GPR17: variants seen among roughly 807,000 people sequenced by gnomAD.
The protein encoded by GPR17 is uracil nucleotide/cysteinyl leukotriene receptor.
Under a neutral mutation model 1.5 loss-of-function variants are expected in GPR17, and 4 were observed. The observed-to-expected ratio is 2.73, with a 90% CI of 1.35 to 6.25. The LOEUF is 6.25. GPR17 is among the 30% of genes most tolerant of loss of function. GPR17 has a pLI of 0.00. For missense variants in GPR17, 463 were observed against 462.1 expected, an observed-to-expected ratio of 1.00 and a Z score of -0.02; for synonymous variants, 209 against 207.6, an observed-to-expected ratio of 1.01 and a Z score of -0.06.
At position 127,651,287 on chromosome 2, in the gene GPR17, G is replaced by A. The variant is rs1380423336; in HGVS notation, c.552G>A (p.Leu184=). The A allele has an allele frequency of 6.8e-6, 11 of 1,607,716 alleles. No homozygotes were observed. Among genetic ancestry groups the A allele is most frequent in the Non-Finnish European group, 8.5e-6 (10 of 1,179,876 alleles). The change falls in exon 2 of 2, where the codon CTG becomes CTA. Residue 184 remains leucine, a synonymous_variant. Coordinates refer to ENST00000486700, the MANE Select transcript of GPR17 (RefSeq NM_001161417.2). Reference sequence around the variant, plus strand: ...ACCACACGGTGGTCTGCCTGCAGCTGTACCGGGAGAAGGCCTCCCACCATG... The same window carrying A: ...ACCACACGGTGGTCTGCCTGCAGCTATACCGGGAGAAGGCCTCCCACCATG... ...QTNHTVVCLQ[L]YREKASHHAL... is the part of the protein sequence containing the mutation.
At chr2:127,648,651 CAGCACTTTGGGAGGCCAAGG>C (rs908635282) in intron 1 of GPR17, among the ~76,000 whole-genome samples, 11 of 152,178 alleles carry the variant, frequency 7.2e-5, no homozygotes, top group Non-Finnish European at 1.0e-4. Flanking sequence ...CCTGTAATCC[CAGCACTTTGGGAGGCCAAGG>C]AGCACTTTGG....
intron 1 of GPR17, chr2:127,650,058 A>G: frequency 6.2e-7 from 1 of 1,607,436 alleles, no homozygotes. Context: ...CCCCCAAGAG[A>G]GATGCTGAAA....
Position 127,650,819 on chromosome 2 carries a change from A to G in GPR17, c.84A>G (p.Pro28=), listed in dbSNP as rs1331920792. 1.9e-6 allele frequency: 3 copies of G among 1,613,702 alleles called. No individual in the cohort carries two copies. The highest frequency in any genetic ancestry group is 1.3e-5 in the African/African-American group (1 of 74,926). The change falls in exon 2 of 2, where the codon CCA becomes CCG. Residue 28 remains proline, a synonymous_variant. Coordinates refer to ENST00000486700, the MANE Select transcript of GPR17 (RefSeq NM_001161417.2). ...ATAEQCGQET[P]LENMLFASFY... is the part of the protein sequence containing the mutation. ...CAGAGCAATGTGGCCAGGAGACGCC[A>G]CTGGAGAACATGCTGTTCGCCTCCT...
chr2:127,649,254 C>T (rs1055726884), intron 1 of GPR17, among the ~76,000 whole-genome samples: 29 of 149,288 alleles, frequency 1.9e-4, no homozygotes, highest in Non-Finnish European at 6.0e-5. Context: ...CAGGCAGGAC[C>T]CCGGCTGTTC....
intron 1 of GPR17, among the ~76,000 whole-genome samples, chr2:127,649,165 T>TAGGAAGGAAGGAGGGAAAGAAGGA: frequency 1.5e-5 from 2 of 134,344 alleles, no homozygotes; most frequent in South Asian, 5.0e-4. Flanking sequence ...GAGAGGAAGG[T>TAGGAAGGAAGGAGGGAAAGAAGGA]AGGAAGGAAG....
In GPR17 at chr2:127,651,311, T is replaced by C. The variant is rs149325837; in HGVS notation, c.576T>C (p.His192=). ...TGTACCGGGAGAAGGCCTCCCACCA[T>C]GCCCTGGTGTCCCTGGCAGTGGCCT... The part of the protein sequence containing the change: ...LQLYREKASH[H]ALVSLAVAFT... Residue 192 remains histidine, a synonymous_variant, in exon 2 of 2, where the codon CAT becomes CAC. Coordinates refer to ENST00000486700, the MANE Select transcript of GPR17 (RefSeq NM_001161417.2). 1.2e-6 allele frequency: 2 copies of C among 1,609,830 alleles called. No individual in the cohort carries two copies. Among genetic ancestry groups the C allele is most frequent in the Non-Finnish European group, 1.7e-6 (2 of 1,180,018 alleles).
chr2:127,650,659 A>G, intron 1 of GPR17, 57 bp from the exon 2 acceptor site: 2 of 1,218,274 alleles, frequency 1.6e-6, no homozygotes, highest in Non-Finnish European at 2.3e-6. Flanking sequence ...GACTTCAGAG[A>G]GCGTGAAGCT....
rs1299543143 is a variant in GPR17, at chr2:127,650,564, G to A, written c.-20-152G>A. The A allele has an allele frequency of 9.7e-6, 6 of 616,306 alleles. No homozygotes were observed. The Admixed American group carries it at 1.7e-4, about 18-fold the overall frequency. 38.2% of individuals were successfully genotyped at this position (616,306 alleles called of 1,614,324 possible). On this transcript the variant is annotated intron_variant, in intron 1 of 1. Coordinates refer to ENST00000486700, the MANE Select transcript of GPR17 (RefSeq NM_001161417.2). ...CTCTGACGCTCACGCACACCAAATG[G>A]ACAAGGAGGTCCCCTCAGCAGCCCC...
intron 1 of GPR17, chr2:127,650,418 C>T (rs754965901): frequency 5.6e-6 from 3 of 540,398 alleles, no homozygotes; most frequent in Non-Finnish European, 9.8e-6. Flanking sequence ...CGCCATGGCA[C>T]TGACCCGGTC....
rs1019174771 is a variant in GPR17 at position 127,651,207 on chromosome 2, G to A, written c.472G>A (p.Val158Met). ...CCTGGCCTGTGCCTTCCTGTGGGTG[G>A]TGGTGGCTGTGGCCATGGCCCCGCT... ...AHLACAFLWV[V>M]VAVAMAPLLV... The change falls in exon 2 of 2, where the codon GTG becomes ATG. Residue 158 changes from valine (V) to methionine (M), a missense_variant. Transcript: ENST00000486700. 3.1e-6 allele frequency: 5 copies of A among 1,610,000 alleles called. No individual in the cohort carries two copies. Among genetic ancestry groups the A allele is most frequent in the Non-Finnish European group, 4.2e-6 (5 of 1,179,664 alleles).
intron 1 of GPR17, among the ~76,000 whole-genome samples, chr2:127,649,183 G>GAAGGAAGGAAGGAAGGAAA (rs1558878448): frequency 0.034 from 2,125 of 63,224 alleles, 21 homozygotes; most frequent in Middle Eastern, 0.1. Context: ...AAGGAAGGAA[G>GAAGGAAGGAAGGAAGGAAA]GAAGGAAGGA....
Position 127,647,984 on chromosome 2 carries a change from C to T in GPR17, c.-21+1740C>T. 2.0e-6 allele frequency: 2 copies of T among 982,166 alleles called. No homozygotes were observed. Among genetic ancestry groups the T allele is most frequent in the Non-Finnish European group, 2.4e-6 (2 of 826,894 alleles). 60.8% of individuals were successfully genotyped at this position (982,166 alleles called of 1,614,324 possible). A position where few individuals can be genotyped will look rare whatever the true frequency, so the allele number is the denominator to read the frequency against. On this transcript the variant is annotated intron_variant, in intron 1 of 1. Coordinates refer to ENST00000486700, the MANE Select transcript of GPR17 (RefSeq NM_001161417.2). This position sits in a 1 kb window ranked among gnomAD's most constrained non-coding sequence, Gnocchi z 4.3. ...CCACAGCCCCCTTCACAGCCCTCAG[C>T]CCTTCCCCAGGGCTTCAGCCAAGCC...
In GPR17 at chr2:127,647,809, CGG is replaced by C. The variant is rs1189158006; in HGVS notation, c.-21+1567_-21+1568del. On this transcript the variant is annotated intron_variant, in intron 1 of 1. Transcript: ENST00000486700. This position sits in a 1 kb window ranked among gnomAD's most constrained non-coding sequence, Gnocchi z 4.3. The stretch of plus-strand genomic sequence containing the variant: ...CCTGGAGCCCTGTTCCTCCAGTCTC[CGG>C]GTCCTCACCCCCAGCACATGCAACA... Among the ~76,000 whole-genome samples the C allele has an allele frequency of 6.6e-6, 1 of 152,038 alleles. No homozygotes were observed. The highest frequency in any genetic ancestry group is 2.4e-5 in the African/African-American group (1 of 41,368).
At chr2:127,649,772 G>A (rs559364593) in intron 1 of GPR17, among the ~76,000 whole-genome samples, 1 of 152,344 alleles carries the variant, frequency 6.6e-6, no homozygotes, top group African/African-American at 2.4e-5. Context: ...ACTGTCACAG[G>A]GCTCTGCACT....
chr2:127,648,385 G>T, intron 1 of GPR17: 1 of 169,156 alleles, frequency 5.9e-6, no homozygotes, highest in Non-Finnish European at 1.2e-5. Context: ...GCTCGGGCCA[G>T]CCCTCACCCT....
chr2:127,650,571 A>T (rs1683639932), intron 1 of GPR17, 145 bp from the exon 2 acceptor site: 1 of 623,410 alleles, frequency 1.6e-6, no homozygotes, highest in Non-Finnish European at 2.8e-6. Flanking sequence ...ATGGACAAGG[A>T]GGTCCCCTCA....
rs775930005 is a variant in GPR17 at position 127,650,742 on chromosome 2, G to A, written c.7G>A (p.Gly3Ser). MN[G>S]LEVAPPGLIT... The stretch of plus-strand genomic sequence containing the variant: ...CTCTGACTCCAGCCAAAGCATGAAT[G>A]GCCTTGAAGTGGCTCCCCCAGGTCT... The change falls in exon 2 of 2, where the codon GGC becomes AGC. Residue 3 changes from glycine to serine, a missense_variant. Physicochemically the swap from Gly to Ser is moderately conservative, Grantham distance 56 (BLOSUM62 0). Transcript: ENST00000486700. 47 of 1,608,226 alleles carry A rather than the reference G, an allele frequency of 2.9e-5. No homozygotes were observed. Among genetic ancestry groups the A allele is most frequent in the Non-Finnish European group, 3.8e-5 (45 of 1,176,226 alleles).
chr2:127,652,060 T>G lies in GPR17; in HGVS notation c.*305T>G. On this transcript the variant is annotated 3_prime_UTR_variant, in exon 2 of 2. Coordinates refer to ENST00000486700, the MANE Select transcript of GPR17 (RefSeq NM_001161417.2). ...CCCCTGAACAATGGAGGCCTTTCTTTCCCGCTAGGCTCCCAGCCTCCTTCC... is the reference window on the plus strand; with the variant it reads ...CCCCTGAACAATGGAGGCCTTTCTTGCCCGCTAGGCTCCCAGCCTCCTTCC... The G allele has an allele frequency of 2.6e-6, 1 of 378,170 alleles. No individual in the cohort carries two copies. The highest frequency in any genetic ancestry group is 2.0e-5 in the African/African-American group (1 of 49,490). 23.4% of individuals were successfully genotyped at this position (378,170 alleles called of 1,614,324 possible). A position where few individuals can be genotyped will look rare whatever the true frequency, so the allele number is the denominator to read the frequency against.
At position 127,647,423 on chromosome 2, in the gene GPR17, C is replaced by T. The variant is rs2244042; in HGVS notation, c.-21+1179C>T. Among the ~76,000 whole-genome samples, 96,956 of 152,084 alleles carry T rather than the reference C, an allele frequency of 0.64. 33,023 individuals carry two copies. Among genetic ancestry groups the T allele is most frequent in the African/African-American group, 0.88 (36,658 of 41,540 alleles). ...CAAGTTAGCAGACACTCAGCCTTGA[C>T]TCCCTAACCTGCAACATGGGGCTAA... On this transcript the variant is annotated intron_variant, in intron 1 of 1. Transcript: ENST00000486700. The surrounding 1 kb of genome is among the most constrained non-coding windows in gnomAD (Gnocchi z 4.3).
Sources: gnomAD v4.1 joint callset for allele counts (sites outside exome capture counted in the v4.1 genomes callset) on GRCh38, gnomAD v4.1.1 for gene constraint, Gnocchi (gnomAD v3.1) non-coding constraint, MANE v1.5 for transcripts, NCBI Gene and HGNC (gene_info 2026-07-23, HGNC 2026-07-21) for gene names.